The following DLG2 variants were observed in gnomAD, a reference collection of about 807,000 sequenced individuals.
The protein encoded by DLG2 is disks large homolog 2.
DLG2 carries 45 observed loss-of-function variants against 132.5 expected under a neutral mutation model. That is an observed-to-expected ratio of 0.34 (90% confidence interval 0.27 to 0.44). The LOEUF is 0.44. Ranked by LOEUF, DLG2 falls within the 20% of genes least tolerant of loss-of-function variation. The probability of loss-of-function intolerance (pLI) is 1.00; values close to 1 mark genes in which losing one functional copy is unlikely to be tolerated. For missense variants in DLG2, 1,045 were observed against 1,196.9 expected (o/e 0.87, Z 1.87); for synonymous variants, 424 against 419.6 (o/e 1.01, Z -0.13).
At chr11:85,576,555 GC>G (rs1265959150) in intron 3 of DLG2, among the ~76,000 whole-genome samples, 1 of 152,050 alleles carries the variant, frequency 6.6e-6, no homozygotes, top group Non-Finnish European at 1.5e-5. Context: ...AAAAGAAAAA[GC>G]AAAAACAAAG....
intron 6 of DLG2, among the ~76,000 whole-genome samples, chr11:84,540,119 A>C (rs2099364587): frequency 6.6e-6 from 1 of 152,206 alleles, no homozygotes; most frequent in Non-Finnish European, 1.5e-5. Context: ...ACCACTCAGG[A>C]CATAGGCATG....
intron 10 of DLG2, among the ~76,000 whole-genome samples, chr11:84,091,376 T>A (rs1406158288): frequency 6.6e-6 from 1 of 152,160 alleles, no homozygotes; most frequent in Non-Finnish European, 1.5e-5. Flanking sequence ...CAGGTCTCAG[T>A]CTCCATCTCT....
intron 6 of DLG2, among the ~76,000 whole-genome samples, chr11:84,952,907 G>A (rs988797857): frequency 2.0e-5 from 3 of 152,142 alleles, no homozygotes; most frequent in Non-Finnish European, 2.9e-5. Context: ...AAGGTTTTCC[G>A]TGAGCTGAAA....
intron 15 of DLG2, among the ~76,000 whole-genome samples, chr11:83,928,379 G>C (rs538150153): frequency 3.8e-4 from 58 of 152,170 alleles, no homozygotes; most frequent in Middle Eastern, 3.4e-3. Context: ...TGCACATAGA[G>C]GTGAACTGTT....
intron 4 of DLG2, among the ~76,000 whole-genome samples, chr11:85,164,399 C>T (rs984577303): frequency 1.3e-5 from 2 of 152,084 alleles, no homozygotes; most frequent in African/African-American, 4.8e-5. Context: ...TACCTCATAC[C>T]AGATGTTGTC....
At chr11:85,034,203 G>A (rs1468412778) in intron 6 of DLG2, among the ~76,000 whole-genome samples, 1 of 151,570 alleles carries the variant, frequency 6.6e-6, no homozygotes, top group East Asian at 2.0e-4. Flanking sequence ...TCAGCCTCCC[G>A]AGTAGCTGGG....
chr11:84,260,120 G>T (rs1253408095), intron 7 of DLG2, among the ~76,000 whole-genome samples: 1 of 152,146 alleles, frequency 6.6e-6, no homozygotes, highest in African/African-American at 2.4e-5. Context: ...AAAGACCTCA[G>T]ATAGGCTGAG....
At chr11:85,559,261 C>T (rs183263639) in intron 3 of DLG2, among the ~76,000 whole-genome samples, 2 of 150,924 alleles carry the variant, frequency 1.3e-5, no homozygotes, top group African/African-American at 4.8e-5. Flanking sequence ...AAGTGATTCT[C>T]CTGCCTCAGC....
chr11:85,427,489 A>G (rs1162834393), intron 3 of DLG2, among the ~76,000 whole-genome samples: 1 of 152,256 alleles, frequency 6.6e-6, no homozygotes, highest in East Asian at 1.9e-4. Context: ...CTTAAAGAAA[A>G]GAATTTTCAA....
At chr11:84,850,421 T>C (rs2082037684) in intron 6 of DLG2, among the ~76,000 whole-genome samples, 1 of 152,078 alleles carries the variant, frequency 6.6e-6, no homozygotes, top group Non-Finnish European at 1.5e-5. Flanking sequence ...AAATAAACTT[T>C]TATGGGATAC....
intron 6 of DLG2, among the ~76,000 whole-genome samples, chr11:84,558,369 T>C (rs2099416207): frequency 6.6e-6 from 1 of 152,190 alleles, no homozygotes; most frequent in Non-Finnish European, 1.5e-5. Flanking sequence ...AGCAAGAACT[T>C]ATTCCCCAGT....
chr11:84,502,053 T>C (rs192620088), intron 7 of DLG2, among the ~76,000 whole-genome samples: 50 of 151,894 alleles, frequency 3.3e-4, no homozygotes, highest in Admixed American at 2.9e-3. Flanking sequence ...TTTCTTTTCT[T>C]TTCTTTTTTT....
chr11:84,058,780 T>C (rs2096545885), intron 11 of DLG2, among the ~76,000 whole-genome samples: 1 of 151,528 alleles, frequency 6.6e-6, no homozygotes, highest in African/African-American at 2.4e-5. Flanking sequence ...TATAATAATC[T>C]CAAGAGATAC....
At chr11:83,892,699 T>TTA (rs2070299519) in intron 15 of DLG2, among the ~76,000 whole-genome samples, 1 of 147,030 alleles carries the variant, frequency 6.8e-6, no homozygotes. Flanking sequence ...TGCAAAGAAT[T>TTA]AAAAAAAAAA....
intron 17 of DLG2, among the ~76,000 whole-genome samples, chr11:83,829,157 A>T (rs1430932335): frequency 6.6e-6 from 1 of 150,950 alleles, no homozygotes; most frequent in Non-Finnish European, 1.5e-5. Flanking sequence ...TTGCAAATTA[A>T]TCTTACATGA....
chr11:85,033,130 C>A (rs2061162402), intron 6 of DLG2, among the ~76,000 whole-genome samples: 1 of 152,004 alleles, frequency 6.6e-6, no homozygotes, highest in Admixed American at 6.5e-5. Context: ...TGTTTTTTGT[C>A]TGTGGTTCTG....
chr11:85,230,442 T>C (rs949082036), intron 4 of DLG2, among the ~76,000 whole-genome samples: 1 of 151,694 alleles, frequency 6.6e-6, no homozygotes, highest in African/African-American at 2.4e-5. Flanking sequence ...AATAAACATA[T>C]TTATATAGTG....
chr11:84,238,268 A>G (rs2097184459), intron 8 of DLG2, among the ~76,000 whole-genome samples: 1 of 151,916 alleles, frequency 6.6e-6, no homozygotes, highest in African/African-American at 2.4e-5. Flanking sequence ...TCATTCCAAT[A>G]CTTTGAGAGG....
At chr11:85,346,313 G>A (rs1435924188) in intron 3 of DLG2, among the ~76,000 whole-genome samples, 1 of 151,374 alleles carries the variant, frequency 6.6e-6, no homozygotes, top group Non-Finnish European at 1.5e-5. Flanking sequence ...TCAGCCTCCC[G>A]AGTAGCTGGG....
Sources: allele counts gnomAD v4.1 joint callset (sites outside exome capture counted in the v4.1 genomes callset), GRCh38; gene constraint gnomAD v4.1.1; transcripts MANE v1.5; gene names NCBI Gene and HGNC (gene_info 2026-07-23, HGNC 2026-07-21).